LUC7L2: variants seen among roughly 807,000 people sequenced by gnomAD.
The protein encoded by LUC7L2 is putative RNA-binding protein Luc7-like 2.
In LUC7L2, 25 loss-of-function variants were observed where a neutral mutation model predicts 52.8. That is an observed-to-expected ratio of 0.47 (90% CI 0.34 to 0.66). The LOEUF (loss-of-function observed/expected upper bound fraction) is 0.66. Among genes scored for constraint, LUC7L2 ranks in the 30% least tolerant of loss-of-function variants. LUC7L2 has a pLI of 0.01. For synonymous variants in LUC7L2, 144 were observed against 160.9 expected (o/e 0.89, Z 0.80); for missense variants, 328 against 497.8 (o/e 0.66, Z 3.25).
chr7:139,360,382 G>C (rs1195493885), intron 1 of LUC7L2, 60 bp downstream of exon 1: 1 of 1,501,202 alleles, frequency 6.7e-7, no homozygotes, highest in East Asian at 2.6e-5. Flanking sequence ...AAGGGAAGGG[G>C]TTCCGAGGGC....
chr7:139,345,230 A>G (rs1449871503), intron 1 of LUC7L2, among the ~76,000 whole-genome samples: 4 of 152,186 alleles, frequency 2.6e-5, no homozygotes, highest in Non-Finnish European at 4.4e-5. Flanking sequence ...CTGTAAAATT[A>G]AGGAATTGAA....
chr7:139,377,733 C>G (rs1418979146), intron 2 of LUC7L2, among the ~76,000 whole-genome samples: 1 of 151,054 alleles, frequency 6.6e-6, no homozygotes, highest in African/African-American at 2.4e-5. Context: ...TTCACCATGT[C>G]GGTCAGGCTG....
intron 9 of LUC7L2, among the ~76,000 whole-genome samples, chr7:139,420,657 T>C (rs1795857513): frequency 6.6e-6 from 1 of 152,236 alleles, no homozygotes; most frequent in African/African-American, 2.4e-5. Context: ...ACTCATAGTT[T>C]TTTAGTTATT....
chr7:139,365,592 A>G (rs947492012), intron 1 of LUC7L2, among the ~76,000 whole-genome samples: 4 of 152,234 alleles, frequency 2.6e-5, no homozygotes, highest in East Asian at 1.9e-4. Flanking sequence ...GAGTTCAGCA[A>G]GCAGGAGGGT....
At chr7:139,374,437 AG>A in intron 1 of LUC7L2, 1 of 1,550,992 alleles carries the variant, frequency 6.4e-7, no homozygotes, top group Non-Finnish European at 8.7e-7. Context: ...TCAATCTGCA[AG>A]GGAGTGTCAG....
chr7:139,404,913 T>G (rs1175304993), intron 4 of LUC7L2, among the ~76,000 whole-genome samples: 1 of 152,232 alleles, frequency 6.6e-6, no homozygotes, highest in Non-Finnish European at 1.5e-5. Context: ...TAGCAATAAG[T>G]CAGATCTGAT....
At chr7:139,340,524 C>G (rs1379238824) in intron 1 of LUC7L2, 2 of 398,414 alleles carry the variant, frequency 5.0e-6, no homozygotes. Context: ...GAGGGTAAAG[C>G]CTTTGGCGCG....
chr7:139,409,502 G>T, intron 6 of LUC7L2, 61 bp from the exon 7 acceptor site: 1 of 1,537,922 alleles, frequency 6.5e-7, no homozygotes, highest in Non-Finnish European at 8.8e-7. Flanking sequence ...ATAAAGTTTA[G>T]GATAAAGCTG....
At chr7:139,374,255 A>G (rs539946622) in intron 1 of LUC7L2, 217 of 624,242 alleles carry the variant, frequency 3.5e-4, no homozygotes, top group Middle Eastern at 2.3e-3. Context: ...ATTTAAAAAA[A>G]TGAAACACCC....
chr7:139,391,827 T>C (rs1057167186), intron 2 of LUC7L2, among the ~76,000 whole-genome samples: 3 of 152,170 alleles, frequency 2.0e-5, no homozygotes, highest in Non-Finnish European at 4.4e-5. Flanking sequence ...CCTCTAGTGA[T>C]CTGCTTGCCT....
chr7:139,376,680 AG>A (rs1253448701), intron 2 of LUC7L2, among the ~76,000 whole-genome samples: 4 of 152,354 alleles, frequency 2.6e-5, no homozygotes, highest in Admixed American at 6.5e-5. Context: ...TGTTGATCTT[AG>A]AGTATCATCG....
rs1322287557 is a variant in LUC7L2, at chr7:139,376,079, C to T, written c.79C>T (p.Arg27Ter). 1 of 1,613,718 alleles carries T rather than the reference C, an allele frequency of 6.2e-7. No individual in the cohort carries two copies. The highest frequency in any genetic ancestry group is 1.7e-5 in the Admixed American group (1 of 60,006). Residue 27 changes from arginine to a stop codon, truncating the protein, a stop_gained, in exon 2 of 10, where the codon CGA (arginine) becomes TGA (stop). Transcript: ENST00000354926. LOFTEE classifies it high-confidence loss of function. ...TSRDGDTTRQRIKFSDDRVCK... is the reference protein window; with the variant it reads ...TSRDGDTTRQ ...TATTACAGGAGATACAACTCGTCAA[C>T]GAATCAAATTCAGTGATGACAGAGT...
At chr7:139,360,349 T>C (rs1402082263) in intron 1 of LUC7L2, 27 bp downstream of exon 1, 41 of 1,459,748 alleles carry the variant, frequency 2.8e-5, no homozygotes, top group Non-Finnish European at 3.6e-5. Context: ...GCCCTGGGGG[T>C]GGGGGAGGGG....
At chr7:139,345,499 A>C (rs112628353) in intron 1 of LUC7L2, 19 of 1,614,066 alleles carry the variant, frequency 1.2e-5, no homozygotes, top group Admixed American at 6.7e-5. Flanking sequence ...CTGCTTCTCT[A>C]GGTCACCAGT....
Position 139,360,232 on chromosome 7 carries a change from C to CCCCG in LUC7L2, c.-25_-22dup, listed in dbSNP as rs530172488. The CCCCG allele has an allele frequency of 2.2e-4, 336 of 1,539,430 alleles. 4 individuals carry two copies. The South Asian group carries it at 3.7e-3, about 17-fold the overall frequency. ...CAAAAGGGCCCGGTCTGCGCCCCAC[C>CCCCG]CCCGCCCGTCCGCCCGCTACGCCGC... is the stretch of plus-strand genomic sequence containing the variant. On this transcript the variant is annotated 5_prime_UTR_variant, in exon 1 of 10. Transcript: ENST00000354926.
rs1263400499 is a variant in LUC7L2 at position 139,402,166 on chromosome 7, A to T, written c.285A>T (p.Ala95=). 6.2e-7 allele frequency: 1 copy of T among 1,609,188 alleles called. No individual in the cohort carries two copies. The highest frequency in any genetic ancestry group is 8.5e-7 in the Non-Finnish European group (1 of 1,178,460). ...DAMDHLQSFI[A]DCDRRTEVAK... Reference sequence around the variant, plus strand: ...TGGATCATCTGCAGTCATTCATTGCAGATTGTGATCGTAGAACAGAAGTGG... The same window carrying T: ...TGGATCATCTGCAGTCATTCATTGCTGATTGTGATCGTAGAACAGAAGTGG... Residue 95 remains alanine, a synonymous_variant, in exon 4 of 10, where the codon GCA becomes GCT. Transcript: ENST00000354926.
chr7:139,399,514 G>C (rs1315408433), intron 3 of LUC7L2, among the ~76,000 whole-genome samples: 1 of 121,736 alleles, frequency 8.2e-6, no homozygotes, highest in Non-Finnish European at 1.6e-5. Flanking sequence ...CTGTAGCCCA[G>C]ACTGGAGTGC....
At chr7:139,341,597 C>T in intron 1 of LUC7L2, 8 of 1,558,294 alleles carry the variant, frequency 5.1e-6, no homozygotes, top group Admixed American at 3.5e-5. Flanking sequence ...GGGTGGGGAG[C>T]ACGGTGTTTA....
At position 139,412,301 on chromosome 7, in the gene LUC7L2, C is replaced by G. The variant is rs1486184097; in HGVS notation, c.780-250C>G. 5.3e-5 allele frequency among the ~76,000 whole-genome samples: 8 copies of G among 151,706 alleles called. No homozygotes were observed. In the East Asian group the frequency reaches 1.5e-3, roughly 29 times the overall value. On this transcript the variant is annotated intron_variant, in intron 7 of 9. Transcript: ENST00000354926. Reference sequence around the variant, plus strand: ...GCGTTTCGGAGAAGGAGTACTCAACCTGTACTGTGTTTTAATCTCCTAGGA... The same window carrying G: ...GCGTTTCGGAGAAGGAGTACTCAACGTGTACTGTGTTTTAATCTCCTAGGA...
Sources: allele counts gnomAD v4.1 joint callset (sites outside exome capture counted in the v4.1 genomes callset), GRCh38; gene constraint gnomAD v4.1.1; transcripts MANE v1.5; gene names NCBI Gene and HGNC (gene_info 2026-07-23, HGNC 2026-07-21).